Variants in ACY3 observed in about 807,000 individuals in gnomAD.
ACY3 encodes N-acyl-aromatic-L-amino acid amidohydrolase (carboxylate-forming).
ACY3 carries 20 observed loss-of-function variants against 24.6 expected under a neutral mutation model. The ratio of observed to expected loss-of-function variants is 0.81; its 90% CI spans 0.57 to 1.18. ACY3 has a LOEUF of 1.18. Among genes scored for constraint, ACY3 ranks in the 50% most tolerant of loss-of-function variants. The pLI is 0.00. For synonymous variants in ACY3, 174 were observed against 188.4 expected, an observed-to-expected ratio of 0.92 and a Z score of 0.62; for missense variants, 423 against 426.8, an observed-to-expected ratio of 0.99 and a Z score of 0.08.
rs1422365301 is a variant in ACY3, at chr11:67,646,834, G to A, written c.210C>T (p.Asn70=). Residue 70 remains asparagine (N), a synonymous_variant, in exon 3 of 8, where the codon AAC becomes AAT. Coordinates refer to ENST00000255082, the MANE Select transcript of ACY3 (RefSeq NM_080658.2). The part of the protein sequence containing the change: ...GCRRYVDHDL[N]RTFTSSFLNS... The stretch of plus-strand genomic sequence containing the variant: ...TGAGGAAGCTGCTGGTGAAGGTGCG[G>A]TTGAGGTCATGGTCCACGTAGCGGC... The A allele has an allele frequency of 1.2e-6, 2 of 1,613,098 alleles. No homozygotes were observed. The highest frequency in any genetic ancestry group is 1.3e-5 in the African/African-American group (1 of 75,066).
intron 3 of ACY3, among the ~76,000 whole-genome samples, chr11:67,646,362 G>T (rs1855517134): frequency 6.6e-6 from 1 of 152,230 alleles, no homozygotes; most frequent in Non-Finnish European, 1.5e-5. Flanking sequence ...AGCCCCCTGG[G>T]TTATGGTTGC....
At position 67,644,678 on chromosome 11, in the gene ACY3, G is replaced by A; in HGVS notation, c.744+82C>T. The A allele has an allele frequency of 2.2e-6, 3 of 1,367,226 alleles. No individual in the cohort carries two copies. The South Asian group carries it at 4.0e-5, about 18-fold the overall frequency. The allele number at this position is 1,367,226 out of a possible 1,614,324, so 84.7% of individuals were successfully genotyped here. A position where few individuals can be genotyped will look rare whatever the true frequency, so the allele number is the denominator to read the frequency against. ...GCTTGGCTGCACCCCCTGGGGCTCA[G>A]TTTTCCTTGACAATCCTCCTCCCCA... On this transcript the variant is annotated intron_variant, in intron 7 of 7. Coordinates refer to ENST00000255082, the MANE Select transcript of ACY3 (RefSeq NM_080658.2).
At chr11:67,649,639 T>TGC (rs1855582228) in intron 1 of ACY3, among the ~76,000 whole-genome samples, 1 of 147,104 alleles carries the variant, frequency 6.8e-6, no homozygotes, top group Admixed American at 6.6e-5. Context: ...ACAGCATGCG[T>TGC]GTGTGCGTGC....
chr11:67,645,913 C>T lies in ACY3; in HGVS notation c.237-26G>A, dbSNP rs760204451. On this transcript the variant is annotated intron_variant, in intron 3 of 7. Coordinates refer to ENST00000255082, the MANE Select transcript of ACY3 (RefSeq NM_080658.2). ...CTGTGGAGACGGGAATGGGGGACAC[C>T]GATCTTCACAGTCTCAGTCAGTCTT... The T allele has an allele frequency of 1.1e-5, 17 of 1,559,932 alleles. No homozygotes were observed. The South Asian group carries it at 1.2e-4, about 11-fold the overall frequency.
intron 1 of ACY3, among the ~76,000 whole-genome samples, chr11:67,649,709 A>C (rs1177661195): frequency 6.9e-6 from 1 of 145,234 alleles, no homozygotes; most frequent in East Asian, 2.0e-4. Flanking sequence ...GTATGTGTAC[A>C]TGTGTGCGTG....
Position 67,642,880 on chromosome 11 carries a change from C to G in ACY3, c.804G>C (p.Glu268Asp). 1.9e-6 allele frequency: 3 copies of G among 1,614,090 alleles called. No individual in the cohort carries two copies. The highest frequency in any genetic ancestry group is 1.7e-6 in the Non-Finnish European group (2 of 1,180,034). ...TGGACTCTCCCTCATAGAGCAGGTCCTCCCCACTGAACATCTGGAAGATGG... is the reference window on the plus strand; with the variant it reads ...TGGACTCTCCCTCATAGAGCAGGTCGTCCCCACTGAACATCTGGAAGATGG... Reference protein sequence around the residue: ...GAPIFQMFSGEDLLYEGESTV... With the variant: ...GAPIFQMFSGDDLLYEGESTV... The change falls in exon 8 of 8, where the codon GAG becomes GAC. Residue 268 changes from glutamate to aspartate, a missense_variant. Coordinates refer to ENST00000255082, the MANE Select transcript of ACY3 (RefSeq NM_080658.2).
rs555029881 is a variant in ACY3 at position 67,645,500 on chromosome 11, C to A, written c.433-120G>T. 271 of 1,275,348 alleles carry A rather than the reference C, an allele frequency of 2.1e-4. 2 individuals carry two copies. In the East Asian group the frequency reaches 6.7e-3, roughly 32 times the overall value. 79.0% of individuals were successfully genotyped at this position (1,275,348 alleles called of 1,614,324 possible). A position where few individuals can be genotyped will look rare whatever the true frequency, so the allele number is the denominator to read the frequency against. On this transcript the variant is annotated intron_variant, in intron 4 of 7. Coordinates refer to ENST00000255082, the MANE Select transcript of ACY3 (RefSeq NM_080658.2). ...CCTCCTTGGCCAGGTCTCCCTCTAC[C>A]CTCTGGCAGGGTAGGGGAGGGGGTA...
rs1456416338 is a variant in ACY3, at chr11:67,647,005, G to A, written c.39C>T (p.Arg13=). The A allele has an allele frequency of 3.2e-6, 5 of 1,554,290 alleles. No individual in the cohort carries two copies. The highest frequency in any genetic ancestry group is 1.7e-4 in the Middle Eastern group (1 of 5,954). Residue 13 remains arginine, a synonymous_variant, in exon 3 of 8, where the codon CGC becomes CGT. Coordinates refer to ENST00000255082, the MANE Select transcript of ACY3 (RefSeq NM_080658.2). The part of the protein sequence containing the change: ...SLPVPREPLR[R]VAVTGGTHGN... ...CATGCGTGCCCCCAGTCACAGCCACGCGACGCAGGGGCTCCCGGGGCACAG... is the reference window on the plus strand; with the variant it reads ...CATGCGTGCCCCCAGTCACAGCCACACGACGCAGGGGCTCCCGGGGCACAG...
chr11:67,645,987 G>A (rs1855509940), intron 3 of ACY3, 100 bp from the exon 4 acceptor site: 1 of 1,222,394 alleles, frequency 8.2e-7, no homozygotes, highest in Non-Finnish European at 1.1e-6. Flanking sequence ...GCCACTCTGA[G>A]CAGCTCGAGC....
intron 1 of ACY3, among the ~76,000 whole-genome samples, chr11:67,649,656 ACATGTGTGTG>A (rs1565240393): frequency 5.4e-5 from 7 of 130,122 alleles, no homozygotes; most frequent in Non-Finnish European, 1.6e-5. Context: ...GTGCGTGTGT[ACATGTGTGTG>A]CATGTGCATG....
At chr11:67,643,515 T>C (rs1855448686) in intron 7 of ACY3, among the ~76,000 whole-genome samples, 1 of 151,812 alleles carries the variant, frequency 6.6e-6, no homozygotes, top group Non-Finnish European at 1.5e-5. Context: ...TCATCTCTAC[T>C]AAAAATACAA....
chr11:67,644,920 A>G (rs1855481755), intron 6 of ACY3, 51 bp from the exon 7 acceptor site: 8 of 1,589,998 alleles, frequency 5.0e-6, no homozygotes, highest in Non-Finnish European at 6.9e-6. Flanking sequence ...AGGCTAGGGG[A>G]CAGACTGGGC....
At chr11:67,644,500 C>A (rs1855469385) in intron 7 of ACY3, among the ~76,000 whole-genome samples, 1 of 152,186 alleles carries the variant, frequency 6.6e-6, no homozygotes, top group African/African-American at 2.4e-5. Context: ...CTCCATCATG[C>A]CCTCCACAGG....
At chr11:67,650,264 T>C (rs1031151946) in intron 1 of ACY3, among the ~76,000 whole-genome samples, 3 of 152,156 alleles carry the variant, frequency 2.0e-5, no homozygotes, top group Non-Finnish European at 2.9e-5. Context: ...AATTAGATCA[T>C]GCCTCCCAGC....
chr11:67,648,382 C>T (rs1394797340), intron 1 of ACY3, among the ~76,000 whole-genome samples: 1 of 152,206 alleles, frequency 6.6e-6, no homozygotes, highest in African/African-American at 2.4e-5. Context: ...CCATCCCCTC[C>T]TGCTGCCTCT....
chr11:67,649,613 C>T (rs867901112), intron 1 of ACY3, among the ~76,000 whole-genome samples: 6 of 144,752 alleles, frequency 4.1e-5, no homozygotes, highest in South Asian at 2.2e-4. Context: ...CGTGTGTGCA[C>T]TCACATGTGT....
chr11:67,649,481 G>A (rs1855576770), intron 1 of ACY3, among the ~76,000 whole-genome samples: 1 of 152,232 alleles, frequency 6.6e-6, no homozygotes, highest in African/African-American at 2.4e-5. Flanking sequence ...GGAACAGAAC[G>A]GGGTCCAGGA....
chr11:67,645,870 T>C lies in ACY3; in HGVS notation c.254A>G (p.Asp85Gly), dbSNP rs201375174. The C allele has an allele frequency of 6.8e-6, 11 of 1,606,484 alleles. No individual in the cohort carries two copies. In the East Asian group the frequency reaches 2.2e-4, roughly 33 times the overall value. Residue 85 changes from aspartate to glycine, a missense_variant, in exon 4 of 8, where the codon GAC becomes GGC. By Grantham distance (94) the Asp-to-Gly change is moderately conservative (BLOSUM62 -1). Transcript: ENST00000255082. Reference protein sequence around the residue: ...SSFLNSRPTPDDPYEVTRARE... With the variant: ...SSFLNSRPTPGDPYEVTRARE... The stretch of plus-strand genomic sequence containing the variant: ...GGCTCTTGTCACCTCATATGGGTCG[T>C]CCGGGGTGGGCCTGGAACTGTGGAG...
At position 67,645,888 on chromosome 11, in the gene ACY3, C is replaced by A; in HGVS notation, c.237-1G>T. On this transcript the variant is annotated splice_acceptor_variant, in intron 3 of 7. Transcript: ENST00000255082. LOFTEE classifies it high-confidence loss of function. ...TGGGTCGTCCGGGGTGGGCCTGGAA[C>A]TGTGGAGACGGGAATGGGGGACACC... 6.3e-7 allele frequency: 1 copy of A among 1,592,096 alleles called. No individual in the cohort carries two copies. Among genetic ancestry groups the A allele is most frequent in the Non-Finnish European group, 8.6e-7 (1 of 1,168,370 alleles).
Sources: gnomAD v4.1 joint callset for allele counts (sites outside exome capture counted in the v4.1 genomes callset) on GRCh38, gnomAD v4.1.1 for gene constraint, MANE v1.5 for transcripts, NCBI Gene and HGNC (gene_info 2026-07-23, HGNC 2026-07-21) for gene names.